The following NELL1 variants were observed in gnomAD, a reference collection of about 807,000 sequenced individuals.
NELL1 encodes neural EGFL like 1, also known as protein kinase C-binding protein NELL1.
In NELL1, 76 loss-of-function variants were observed where a neutral mutation model predicts 107.4. The observed-to-expected ratio is 0.71, with a 90% CI of 0.59 to 0.86. The LOEUF (loss-of-function observed/expected upper bound fraction) is 0.86. Ranked by LOEUF, NELL1 falls within the 40% of genes least tolerant of loss-of-function variation. The pLI is 0.00. For missense variants in NELL1, 1,024 were observed against 1,005.5 expected (o/e 1.02, Z -0.25); for synonymous variants, 353 against 341.2 (o/e 1.03, Z -0.38).
chr11:20,882,443 C>T lies in NELL1; in HGVS notation c.507-3001C>T, dbSNP rs192943029. 4.6e-5 allele frequency among the ~76,000 whole-genome samples: 7 copies of T among 152,230 alleles called. No individual in the cohort carries two copies. The East Asian group carries it at 1.4e-3, about 29-fold the overall frequency. On this transcript the variant is annotated intron_variant, in intron 4 of 19. Transcript: ENST00000357134. ...CTGTTAATGTTAATATAACTTTAAG[C>T]TCACAGAAAACTTATAGGAGTGATA...
chr11:21,294,507 C>A (rs777443850), intron 14 of NELL1, among the ~76,000 whole-genome samples: 1 of 151,942 alleles, frequency 6.6e-6, no homozygotes, highest in South Asian at 2.1e-4. Flanking sequence ...AATTGCATGG[C>A]AAATTGGATT....
At chr11:21,358,547 T>C (rs979330794) in intron 14 of NELL1, among the ~76,000 whole-genome samples, 2 of 148,632 alleles carry the variant, frequency 1.3e-5, no homozygotes, top group African/African-American at 2.5e-5. Flanking sequence ...TACAGACACA[T>C]GCCACCATGC....
At chr11:20,956,054 A>T (rs1342272669) in intron 11 of NELL1, among the ~76,000 whole-genome samples, 1 of 152,012 alleles carries the variant, frequency 6.6e-6, no homozygotes, top group Non-Finnish European at 1.5e-5. Flanking sequence ...CCCCATCTCT[A>T]CTAAAAATAC....
At chr11:20,821,371 G>A (rs548953520) in intron 3 of NELL1, among the ~76,000 whole-genome samples, 2 of 152,282 alleles carry the variant, frequency 1.3e-5, no homozygotes, top group African/African-American at 4.8e-5. Context: ...ACAGTAAGAT[G>A]TGTCAAGTGC....
chr11:21,387,193 T>C (rs1000452834), intron 15 of NELL1, among the ~76,000 whole-genome samples: 29 of 152,010 alleles, frequency 1.9e-4, no homozygotes, highest in African/African-American at 6.7e-4. Flanking sequence ...TATTTAAATG[T>C]CACTCATTAG....
At chr11:21,566,454 ATT>A (rs146676073) in intron 17 of NELL1, among the ~76,000 whole-genome samples, 6,500 of 151,676 alleles carry the variant, frequency 0.043, 439 homozygotes, top group African/African-American at 0.15. Flanking sequence ...GAAAAAATGT[ATT>A]TTTTTTACCA....
At chr11:21,478,718 C>T (rs1399685874) in intron 15 of NELL1, among the ~76,000 whole-genome samples, 2 of 148,948 alleles carry the variant, frequency 1.3e-5, no homozygotes, top group Non-Finnish European at 3.0e-5. Flanking sequence ...GACTTTTGCA[C>T]AGCAAAGGAA....
At chr11:21,363,945 C>A (rs1851149104) in intron 14 of NELL1, among the ~76,000 whole-genome samples, 1 of 152,118 alleles carries the variant, frequency 6.6e-6, no homozygotes, top group Admixed American at 6.5e-5. Flanking sequence ...AATTTATCCT[C>A]TATAGTAGAG....
intron 2 of NELL1, among the ~76,000 whole-genome samples, chr11:20,696,960 T>A (rs567471410): frequency 6.6e-6 from 1 of 152,286 alleles, no homozygotes; most frequent in South Asian, 2.1e-4. Context: ...GTTTAAACAG[T>A]TGGCTGCCTT....
chr11:20,859,051 G>C (rs1375616866), intron 4 of NELL1, among the ~76,000 whole-genome samples: 1 of 152,174 alleles, frequency 6.6e-6, no homozygotes, highest in Non-Finnish European at 1.5e-5. Flanking sequence ...TGCCTGCTTC[G>C]TCATTTCGGC....
chr11:21,206,111 C>T lies in NELL1; in HGVS notation c.1427-23221C>T, dbSNP rs1048842257. ...TTGTCATACACTCCATGGCTTAAAACAACAGAATCTTTTTCTCTGACAATT... is the reference window on the plus strand; with the variant it reads ...TTGTCATACACTCCATGGCTTAAAATAACAGAATCTTTTTCTCTGACAATT... On this transcript the variant is annotated intron_variant, in intron 13 of 19. Coordinates refer to ENST00000357134, the MANE Select transcript of NELL1 (RefSeq NM_006157.5). Among the ~76,000 whole-genome samples, 29 of 152,120 alleles carry T rather than the reference C, an allele frequency of 1.9e-4. 1 individual carries two copies. The highest frequency in any genetic ancestry group is 3.3e-4 in the Admixed American group (5 of 15,268).
At chr11:21,043,271 G>A (rs1853280495) in intron 12 of NELL1, among the ~76,000 whole-genome samples, 2 of 152,116 alleles carry the variant, frequency 1.3e-5, no homozygotes, top group South Asian at 4.1e-4. Flanking sequence ...ACAGTAAAGA[G>A]ATTGAAAAGC....
chr11:20,917,588 T>C (rs1003908859), intron 5 of NELL1, among the ~76,000 whole-genome samples: 2 of 151,968 alleles, frequency 1.3e-5, no homozygotes, highest in African/African-American at 4.8e-5. Flanking sequence ...CAAGTCAATA[T>C]TTTCATTGAG....
intron 3 of NELL1, among the ~76,000 whole-genome samples, chr11:20,841,081 C>T (rs1848613064): frequency 6.6e-6 from 1 of 152,176 alleles, no homozygotes; most frequent in Non-Finnish European, 1.5e-5. Flanking sequence ...CTAAATTTCA[C>T]TGGTTATTAT....
intron 3 of NELL1, among the ~76,000 whole-genome samples, chr11:20,794,604 A>G (rs941663461): frequency 6.6e-6 from 1 of 152,156 alleles, no homozygotes; most frequent in Non-Finnish European, 1.5e-5. Flanking sequence ...TTTTCTGAGG[A>G]TTAGTATTTG....
chr11:21,020,942 T>C (rs953143355), intron 12 of NELL1, among the ~76,000 whole-genome samples: 2 of 151,364 alleles, frequency 1.3e-5, no homozygotes, highest in Admixed American at 6.6e-5. Flanking sequence ...ACTGGTTCAC[T>C]CTCACGATAA....
intron 14 of NELL1, among the ~76,000 whole-genome samples, chr11:21,254,238 G>A (rs1858713366): frequency 6.6e-6 from 1 of 151,980 alleles, no homozygotes; most frequent in African/African-American, 2.4e-5. Flanking sequence ...GTGTCTCTGT[G>A]AAGTCAGCAT....
At chr11:20,962,576 G>A (rs574167100) in intron 12 of NELL1, among the ~76,000 whole-genome samples, 20 of 152,294 alleles carry the variant, frequency 1.3e-4, no homozygotes, top group Non-Finnish European at 2.5e-4. Flanking sequence ...TGCTGTTTGG[G>A]ATTCTTTGAT....
chr11:21,309,297 TATGTATATATATATA>T (rs1849693042), intron 14 of NELL1, among the ~76,000 whole-genome samples: 1 of 79,094 alleles, frequency 1.3e-5, no homozygotes, highest in African/African-American at 3.5e-5. Context: ...TATATATATA[TATGTATATATATATA>T]ATATATATAT....
Sources: allele counts gnomAD v4.1 joint callset (sites outside exome capture counted in the v4.1 genomes callset), GRCh38; gene constraint gnomAD v4.1.1; transcripts MANE v1.5; gene names NCBI Gene and HGNC (gene_info 2026-07-23, HGNC 2026-07-21).